Variants in RAF1 observed in about 807,000 individuals in gnomAD.
RAF1 encodes the protein Raf-1 proto-oncogene, serine/threonine kinase, also known as RAF proto-oncogene serine/threonine-protein kinase.
In RAF1, 27 loss-of-function variants were observed where a neutral mutation model predicts 81.1. The ratio of observed to expected loss-of-function variants is 0.33; its 90% CI spans 0.25 to 0.46. The LOEUF is 0.46. Ranked by LOEUF, RAF1 falls within the 20% of genes least tolerant of loss-of-function variation. RAF1 has a pLI of 1.00. For missense variants in RAF1, 598 were observed against 826.0 expected, an observed-to-expected ratio of 0.72 and a Z score of 3.38; for synonymous variants, 298 against 294.0, an observed-to-expected ratio of 1.01 and a Z score of -0.14.
chr3:12,592,625 A>G (rs1391572140), intron 11 of RAF1, among the ~76,000 whole-genome samples: 1 of 152,074 alleles, frequency 6.6e-6, no homozygotes, highest in Non-Finnish European at 1.5e-5. Flanking sequence ...TTCTACCTAT[A>G]ACACTGACAA....
At chr3:12,636,237 G>A (rs969440819) in intron 1 of RAF1, among the ~76,000 whole-genome samples, 2 of 151,180 alleles carry the variant, frequency 1.3e-5, no homozygotes, top group Non-Finnish European at 2.9e-5. Flanking sequence ...AGTGAGCTGA[G>A]ACTGCGACAC....
intron 2 of RAF1, among the ~76,000 whole-genome samples, chr3:12,617,337 A>G (rs1404868561): frequency 6.6e-6 from 1 of 150,936 alleles, no homozygotes; most frequent in Non-Finnish European, 1.5e-5. Context: ...CTTGTCTCGA[A>G]CTCCTGACCT....
intron 11 of RAF1, among the ~76,000 whole-genome samples, chr3:12,595,703 C>CATGCAAATGCCACTTTCTT (rs1359581125): frequency 1.1e-4 from 17 of 152,232 alleles, no homozygotes; most frequent in Non-Finnish European, 1.9e-4. Flanking sequence ...CCTCGCCCTC[C>CATGCAAATGCCACTTTCTT]ATGCAAATGC....
rs568828652 is a variant in RAF1, at chr3:12,643,690, C to G, written c.-27+20123G>C. On this transcript the variant is annotated intron_variant, in intron 1 of 17. Coordinates refer to ENST00000442415, the MANE Select transcript of RAF1 (RefSeq NM_001354689.3). ...GGCAGAGGTTGCAGTGAGCCAAAAT[C>G]GCACCACTGCACTCCAGCCTGGGCA... Among the ~76,000 whole-genome samples, 45 of 151,572 alleles carry G rather than the reference C, an allele frequency of 3.0e-4. 1 individual carries two copies. Among genetic ancestry groups the G allele is most frequent in the African/African-American group, 1.1e-3 (45 of 41,366 alleles).
At chr3:12,653,613 C>T (rs1006739352) in intron 1 of RAF1, among the ~76,000 whole-genome samples, 3 of 151,862 alleles carry the variant, frequency 2.0e-5, no homozygotes, top group Non-Finnish European at 4.4e-5. Flanking sequence ...GTTGTGGTAG[C>T]GAGTGCCTGC....
At chr3:12,605,764 T>C (rs1053362520) in intron 6 of RAF1, among the ~76,000 whole-genome samples, 2 of 152,212 alleles carry the variant, frequency 1.3e-5, no homozygotes, top group African/African-American at 4.8e-5. Flanking sequence ...AATTAAATGT[T>C]TTTAAAGACA....
intron 1 of RAF1, among the ~76,000 whole-genome samples, chr3:12,625,837 G>A (rs1052499682): frequency 6.6e-6 from 1 of 152,068 alleles, no homozygotes; most frequent in African/African-American, 2.4e-5. Flanking sequence ...ACACACACAC[G>A]AGTCATTTTC....
chr3:12,621,877 GAAAT>G (rs2059566695), intron 1 of RAF1, among the ~76,000 whole-genome samples: 1 of 152,128 alleles, frequency 6.6e-6, no homozygotes, highest in Admixed American at 6.5e-5. Context: ...GGGAAATCTA[GAAAT>G]AAATAAATGG....
intron 5 of RAF1, 25 bp from the exon 6 acceptor site, chr3:12,606,324 GTT>G: frequency 6.5e-7 from 1 of 1,534,286 alleles, no homozygotes; most frequent in Non-Finnish European, 9.0e-7. Flanking sequence ...GGAAAGACTG[GTT>G]TTTAGGCTTG....
chr3:12,618,423 A>C, intron 2 of RAF1, 92 bp downstream of exon 2: 1 of 1,321,346 alleles, frequency 7.6e-7, no homozygotes, highest in South Asian at 1.2e-5. Flanking sequence ...AATGACAATG[A>C]ATATTTTGCC....
intron 6 of RAF1, 21 bp from the exon 7 acceptor site, chr3:12,604,310 C>T (rs2125398997): frequency 6.2e-7 from 1 of 1,611,010 alleles, no homozygotes; most frequent in East Asian, 2.2e-5. Flanking sequence ...AAAGAAAATT[C>T]CATGATTGGC....
At chr3:12,595,362 G>A (rs1651128907) in intron 11 of RAF1, among the ~76,000 whole-genome samples, 2 of 152,104 alleles carry the variant, frequency 1.3e-5, no homozygotes, top group South Asian at 4.1e-4. Flanking sequence ...GTGGGCCACT[G>A]CACCCAATCA....
At chr3:12,637,511 C>G (rs954448357) in intron 1 of RAF1, among the ~76,000 whole-genome samples, 2 of 151,776 alleles carry the variant, frequency 1.3e-5, no homozygotes, top group African/African-American at 2.4e-5. Context: ...GTGATCCACC[C>G]GCCTCCATCT....
intron 1 of RAF1, among the ~76,000 whole-genome samples, chr3:12,625,423 A>G (rs1478412808): frequency 2.6e-5 from 4 of 152,232 alleles, no homozygotes. Flanking sequence ...TAGCACAAGC[A>G]TTTGAAGTAT....
intron 1 of RAF1, among the ~76,000 whole-genome samples, chr3:12,624,514 A>C (rs1049292000): frequency 6.6e-6 from 1 of 152,210 alleles, no homozygotes; most frequent in Non-Finnish European, 1.5e-5. Flanking sequence ...TAAAGGCCCC[A>C]TGTTAAAAAA....
chr3:12,659,392 C>T (rs1167474804), intron 1 of RAF1, among the ~76,000 whole-genome samples: 1 of 119,062 alleles, frequency 8.4e-6, no homozygotes, highest in African/African-American at 3.2e-5. Context: ...CACACCACTG[C>T]ACTCCAGCCT....
chr3:12,623,589 A>G (rs560022662), intron 1 of RAF1, among the ~76,000 whole-genome samples: 4 of 152,114 alleles, frequency 2.6e-5, no homozygotes, highest in African/African-American at 9.6e-5. Context: ...CGAGGTCAGG[A>G]GATGGAGACC....
chr3:12,594,627 A>G (rs2058628679), intron 11 of RAF1, among the ~76,000 whole-genome samples: 1 of 152,188 alleles, frequency 6.6e-6, no homozygotes, highest in Admixed American at 6.5e-5. Context: ...ACACGTTATC[A>G]TTAAGCCACA....
At chr3:12,627,354 C>A (rs2059734359) in intron 1 of RAF1, among the ~76,000 whole-genome samples, 4 of 152,216 alleles carry the variant, frequency 2.6e-5, no homozygotes. Flanking sequence ...CCCTACCAAT[C>A]ATCACAGAAT....
Sources: allele counts gnomAD v4.1 joint callset (sites outside exome capture counted in the v4.1 genomes callset), GRCh38; gene constraint gnomAD v4.1.1; transcripts MANE v1.5; gene names NCBI Gene and HGNC (gene_info 2026-07-23, HGNC 2026-07-21).